CELF2: variants seen among roughly 807,000 people sequenced by gnomAD.
CELF2 encodes CUG triplet repeat RNA-binding protein 2.
Under a neutral mutation model 62.6 loss-of-function variants are expected in CELF2, and 8 were observed. The ratio of observed to expected loss-of-function variants is 0.13; its 90% CI spans 0.07 to 0.23. The LOEUF is 0.23. Ranked by LOEUF, CELF2 falls within the 10% of genes least tolerant of loss-of-function variation. CELF2 has a pLI of 1.00. For missense variants in CELF2, 333 were observed against 671.0 expected, an observed-to-expected ratio of 0.50 and a Z score of 5.56; for synonymous variants, 258 against 250.0, an observed-to-expected ratio of 1.03 and a Z score of -0.30.
upstream of CELF2, among the ~76,000 whole-genome samples, chr10:11,004,827 G>A (rs756398989): frequency 1.3e-5 from 2 of 152,152 alleles, no homozygotes; most frequent in Non-Finnish European, 2.9e-5. The surrounding 1 kb of genome is among the most constrained non-coding windows in gnomAD (Gnocchi z 5.0). Flanking sequence ...AAGACAAGAG[G>A]AGCAGATGAA....
At chr10:10,570,595 A>G in the CELF2 span, among the ~76,000 whole-genome samples, 1 of 152,272 alleles carries the variant, frequency 6.6e-6, no homozygotes, top group African/African-American at 2.4e-5. Flanking sequence ...AATTAAAACT[A>G]AATTACTAAA....
rs769473893 is a variant in CELF2, at chr10:11,217,449, C to G, written c.296C>G (p.Thr99Arg). 1.9e-6 allele frequency: 3 copies of G among 1,612,784 alleles called. No homozygotes were observed. Among genetic ancestry groups the G allele is most frequent in the South Asian group, 1.1e-5 (1 of 90,916 alleles). Residue 99 changes from threonine to arginine, a missense_variant, in exon 3 of 13, where the codon ACA (threonine) becomes AGA (arginine). Transcript: ENST00000633077. The surrounding 1 kb of genome is among the most constrained non-coding windows in gnomAD (Gnocchi z 5.6). ...GGTTGTTGTTTCGTAACATTTTATA[C>G]AAGAAAAGCTGCACTTGAGGCCCAG... ...SKGCCFVTFY[T>R]RKAALEAQNA...
At chr10:10,681,143 C>T in the CELF2 span, among the ~76,000 whole-genome samples, 1 of 152,064 alleles carries the variant, frequency 6.6e-6, no homozygotes, top group Admixed American at 6.6e-5. Context: ...ATCTAAAGTA[C>T]AGCAATGAAT....
At chr10:11,085,017 C>G (rs1343394631) in intron 1 of CELF2, among the ~76,000 whole-genome samples, 2 of 152,168 alleles carry the variant, frequency 1.3e-5, no homozygotes, top group Non-Finnish European at 2.9e-5. Flanking sequence ...TCTACAAATA[C>G]TCTGGCTTTA....
At position 10,809,678 on chromosome 10, in the gene CELF2, C is replaced by T. The variant is rs549081598; in HGVS notation, c.53+10861C>T. On this transcript the variant is annotated intron_variant, in intron 1 of 13. Transcript: ENST00000636488. The stretch of plus-strand genomic sequence containing the variant: ...AATGAATATCCATTATTTAATTTAG[C>T]AGACTTCTAAGTTTGCAAGTAACTG... Among the ~76,000 whole-genome samples, 30 of 152,276 alleles carry T rather than the reference C, an allele frequency of 2.0e-4. No individual in the cohort carries two copies. In the South Asian group the frequency reaches 2.5e-3, roughly 13 times the overall value.
chr10:10,795,172 G>T (rs1003814181), upstream of CELF2, among the ~76,000 whole-genome samples: 1 of 151,724 alleles, frequency 6.6e-6, no homozygotes, highest in Non-Finnish European at 1.5e-5. Context: ...TCTATGAAAA[G>T]GAAAGTGACG....
the CELF2 span, among the ~76,000 whole-genome samples, chr10:10,728,473 A>AAAG: frequency 6.7e-6 from 1 of 148,534 alleles, no homozygotes; most frequent in East Asian, 2.1e-4. Flanking sequence ...AAAAAAAAAA[A>AAAG]AGAGAGAGAA....
rs1374537577 is a variant in CELF2, at chr10:11,008,236, G to A, written c.53+2796G>A. Among the ~76,000 whole-genome samples the A allele has an allele frequency of 2.0e-5, 3 of 152,092 alleles. No individual in the cohort carries two copies. Among genetic ancestry groups the A allele is most frequent in the African/African-American group, 7.2e-5 (3 of 41,408 alleles). ...GCCCAGACATGCAGAAAAATGAATA[G>A]CAAAAGATTCAAACTGGGAAAATGA... On this transcript the variant is annotated intron_variant, in intron 1 of 12. Coordinates refer to the CELF2 transcript ENST00000416382. This position sits in a 1 kb window ranked among gnomAD's most constrained non-coding sequence, Gnocchi z 4.5.
chr10:10,586,570 G>A, the CELF2 span, among the ~76,000 whole-genome samples: 2 of 152,140 alleles, frequency 1.3e-5, no homozygotes, highest in Non-Finnish European at 2.9e-5. Context: ...AAAGTTCAAG[G>A]GAAGCTATGC....
the CELF2 span, among the ~76,000 whole-genome samples, chr10:10,689,615 T>A: frequency 6.6e-6 from 1 of 152,184 alleles, no homozygotes; most frequent in African/African-American, 2.4e-5. Context: ...TCATGGATAG[T>A]TTATGACAAC....
the CELF2 span, among the ~76,000 whole-genome samples, chr10:10,626,379 A>G: frequency 6.6e-6 from 1 of 152,206 alleles, no homozygotes; most frequent in Non-Finnish European, 1.5e-5. Context: ...ATGAGATAAG[A>G]TTGATCTAGG....
chr10:10,992,147 G>A (rs547420678), intron 2 of CELF2, among the ~76,000 whole-genome samples: 1 of 152,172 alleles, frequency 6.6e-6, no homozygotes, highest in Non-Finnish European at 1.5e-5. Context: ...TTATTCCACA[G>A]TGCAGTGGTT....
At chr10:10,979,663 C>T (rs1051937844) in intron 2 of CELF2, among the ~76,000 whole-genome samples, 1 of 123,474 alleles carries the variant, frequency 8.1e-6, no homozygotes, top group African/African-American at 3.6e-5. Context: ...AGAGCCAGAC[C>T]TTGTCTCTCA....
intron 2 of CELF2, among the ~76,000 whole-genome samples, chr10:11,187,480 C>G (rs2075249880): frequency 6.6e-6 from 1 of 152,090 alleles, no homozygotes; most frequent in Admixed American, 6.6e-5. Flanking sequence ...TCCACTCAGA[C>G]AAGTTCTACC....
chr10:11,043,134 G>T (rs1441118930), intron 1 of CELF2, among the ~76,000 whole-genome samples: 1 of 152,234 alleles, frequency 6.6e-6, no homozygotes, highest in African/African-American at 2.4e-5. Context: ...AGCAGCGTAT[G>T]AGGTTCCAAC....
At chr10:11,135,186 A>T (rs1386141178) in intron 1 of CELF2, among the ~76,000 whole-genome samples, 1 of 152,224 alleles carries the variant, frequency 6.6e-6, no homozygotes. Flanking sequence ...TCATGTGCCG[A>T]TGCTGTTTAA....
At chr10:10,592,255 T>A in the CELF2 span, among the ~76,000 whole-genome samples, 11 of 152,292 alleles carry the variant, frequency 7.2e-5, no homozygotes, top group East Asian at 1.7e-3. Flanking sequence ...TTTGATACTA[T>A]CTGTCAGTTT....
chr10:10,490,760 C>A, the CELF2 span, among the ~76,000 whole-genome samples: 8 of 152,042 alleles, frequency 5.3e-5, no homozygotes, highest in Non-Finnish European at 8.8e-5. Context: ...ATGTCTAAAC[C>A]CCGCTAAGTA....
At chr10:11,129,097 A>G (rs973005139) in intron 1 of CELF2, among the ~76,000 whole-genome samples, 1 of 152,102 alleles carries the variant, frequency 6.6e-6, no homozygotes, top group African/African-American at 2.4e-5. Flanking sequence ...AGGGCTGTTG[A>G]ATTTTGTCAA....
Sources: allele counts gnomAD v4.1 joint callset (sites outside exome capture counted in the v4.1 genomes callset), GRCh38; gene constraint gnomAD v4.1.1; non-coding constraint Gnocchi (gnomAD v3.1); transcripts MANE v1.5; gene names NCBI Gene and HGNC (gene_info 2026-07-23, HGNC 2026-07-21).